RAPGEF2: variants seen among roughly 807,000 people sequenced by gnomAD.
RAPGEF2 encodes the protein Rap guanine nucleotide exchange factor 2.
RAPGEF2 carries 54 observed loss-of-function variants against 186.7 expected under a neutral mutation model. The ratio of observed to expected loss-of-function variants is 0.29; its 90% CI spans 0.23 to 0.36. RAPGEF2 has a LOEUF of 0.36. Among genes scored for constraint, RAPGEF2 ranks in the 10% least tolerant of loss-of-function variants. The pLI is 1.00. For missense variants in RAPGEF2, 1,532 were observed against 2,045.0 expected (o/e 0.75, Z 4.84); for synonymous variants, 712 against 705.9 (o/e 1.01, Z -0.14).
chr4:159,342,997 A>C lies in RAPGEF2; in HGVS notation c.2937A>C (p.Pro979=). The C allele has an allele frequency of 6.2e-7, 1 of 1,614,054 alleles. No homozygotes were observed. Among genetic ancestry groups the C allele is most frequent in the Non-Finnish European group, 8.5e-7 (1 of 1,179,938 alleles). The change falls in exon 21 of 30, where the codon CCA becomes CCC. Residue 979 remains proline, a synonymous_variant. Transcript: ENST00000691494. The part of the protein sequence containing the change: ...FAIISGLNLA[P]VARLRTTWEK... ...CTCTCAGTGGCCTAAACCTGGCACC[A>C]GTGGCAAGACTGCGAACGACCTGGG... is the stretch of plus-strand genomic sequence containing the variant.
intron 1 of RAPGEF2, among the ~76,000 whole-genome samples, chr4:159,104,568 G>GTGTA (rs1193894003): frequency 6.7e-6 from 1 of 148,588 alleles, no homozygotes; most frequent in African/African-American, 2.6e-5. Context: ...GTGTGTGTGT[G>GTGTA]TGTATGTGTG....
At chr4:159,104,856 A>G (rs1737704451) in intron 1 of RAPGEF2, among the ~76,000 whole-genome samples, 1 of 152,202 alleles carries the variant, frequency 6.6e-6, no homozygotes, top group African/African-American at 2.4e-5. Context: ...TTTAAAGGAT[A>G]CTGCTTTCAA....
At chr4:159,277,764 T>C (rs1295280449) in intron 7 of RAPGEF2, among the ~76,000 whole-genome samples, 1 of 152,112 alleles carries the variant, frequency 6.6e-6, no homozygotes, top group African/African-American at 2.4e-5. Context: ...CCCGCTTTTT[T>C]ATGGGGTTGT....
chr4:159,206,205 C>T lies in RAPGEF2; in HGVS notation c.198-4295C>T, dbSNP rs550205067. On this transcript the variant is annotated intron_variant, in intron 3 of 29. Coordinates refer to ENST00000691494, the MANE Select transcript of RAPGEF2 (RefSeq NM_001394067.2). ...TCTGCCTTCCGAAGTGCTGGGATGACAGGCATGAGCCACCGCGCCCAGCCG... is the reference window on the plus strand; with the variant it reads ...TCTGCCTTCCGAAGTGCTGGGATGATAGGCATGAGCCACCGCGCCCAGCCG... Among the ~76,000 whole-genome samples, 333 of 152,350 alleles carry T rather than the reference C, an allele frequency of 2.2e-3. 2 individuals carry two copies. Among genetic ancestry groups the T allele is most frequent in the African/African-American group, 7.4e-3 (308 of 41,580 alleles).
At chr4:159,299,737 T>G (rs987585178) in intron 7 of RAPGEF2, among the ~76,000 whole-genome samples, 7 of 152,258 alleles carry the variant, frequency 4.6e-5, no homozygotes, top group African/African-American at 1.7e-4. Flanking sequence ...TCGAGTTCAT[T>G]TATTAGCTAG....
At chr4:159,302,865 A>G (rs182012062) in intron 7 of RAPGEF2, among the ~76,000 whole-genome samples, 1 of 151,750 alleles carries the variant, frequency 6.6e-6, no homozygotes, top group African/African-American at 2.4e-5. Flanking sequence ...TATGTATTTT[A>G]CAACATCTTC....
At chr4:159,263,822 G>GA (rs911878533) in intron 7 of RAPGEF2, among the ~76,000 whole-genome samples, 40 of 150,230 alleles carry the variant, frequency 2.7e-4, no homozygotes, top group African/African-American at 8.3e-4. Context: ...ACTTTAGGTG[G>GA]AAAAAAAAAG....
At chr4:159,185,426 A>G (rs778089636) in intron 1 of RAPGEF2, among the ~76,000 whole-genome samples, 1 of 152,230 alleles carries the variant, frequency 6.6e-6, no homozygotes, top group African/African-American at 2.4e-5. Flanking sequence ...AATGTCCATC[A>G]ATTGATAAAT....
intron 17 of RAPGEF2, among the ~76,000 whole-genome samples, chr4:159,337,883 C>G (rs1315792880): frequency 1.8e-5 from 1 of 54,074 alleles, no homozygotes; most frequent in South Asian, 5.1e-4. Flanking sequence ...GAGTGAGACT[C>G]CATCTCAAAA....
chr4:159,109,972 C>T (rs926845042), intron 1 of RAPGEF2, among the ~76,000 whole-genome samples: 2 of 152,182 alleles, frequency 1.3e-5, no homozygotes, highest in African/African-American at 4.8e-5. Flanking sequence ...ATTTTCCTGG[C>T]TTGAGATGGC....
intron 4 of RAPGEF2, among the ~76,000 whole-genome samples, chr4:159,232,540 A>G (rs1752763763): frequency 6.6e-6 from 1 of 152,158 alleles, no homozygotes; most frequent in African/African-American, 2.4e-5. Flanking sequence ...GTTGTTGGAC[A>G]CTTGGGTTGT....
At position 159,278,631 on chromosome 4, in the gene RAPGEF2, T is replaced by C. The variant is rs13434864; in HGVS notation, c.544-25711T>C. 7.0e-3 allele frequency among the ~76,000 whole-genome samples: 1,072 copies of C among 152,270 alleles called. 12 individuals carry two copies. Among genetic ancestry groups the C allele is most frequent in the African/African-American group, 0.024 (1,016 of 41,544 alleles). On this transcript the variant is annotated intron_variant, in intron 7 of 29. Transcript: ENST00000691494. The stretch of plus-strand genomic sequence containing the variant: ...CAGTTGTGACCTTTGTGAAGAAAGT[T>C]ACGTAAAGAGAAGGGATTAGTAAGA...
chr4:159,260,307 G>T (rs930957848), intron 7 of RAPGEF2, among the ~76,000 whole-genome samples: 2 of 151,304 alleles, frequency 1.3e-5, no homozygotes, highest in Non-Finnish European at 2.9e-5. Context: ...TAAAGTAAGG[G>T]ACATTTTAAT....
intron 1 of RAPGEF2, among the ~76,000 whole-genome samples, chr4:159,178,236 T>G (rs1746644424): frequency 6.6e-6 from 1 of 152,166 alleles, no homozygotes; most frequent in African/African-American, 2.4e-5. Flanking sequence ...TATTTTTTGT[T>G]GTGTACAAGC....
intron 4 of RAPGEF2, chr4:159,229,647 TTA>T (rs1428687844): frequency 6.6e-6 from 1 of 152,198 alleles, no homozygotes; most frequent in Admixed American, 6.5e-5. Flanking sequence ...ATTTTTGGTA[TTA>T]CAGAGTCATA....
chr4:159,198,393 TTC>T (rs1749037938), intron 3 of RAPGEF2, among the ~76,000 whole-genome samples: 1 of 129,062 alleles, frequency 7.7e-6, no homozygotes. Flanking sequence ...CCTTCCTTCC[TTC>T]CTCTCTCTTC....
intron 7 of RAPGEF2, among the ~76,000 whole-genome samples, chr4:159,247,036 T>G (rs557118806): frequency 1.3e-5 from 2 of 152,332 alleles, no homozygotes; most frequent in Admixed American, 1.3e-4. Flanking sequence ...TTTATCCTTT[T>G]AAAACTTAAA....
chr4:159,195,236 G>GT (rs1748513868), intron 3 of RAPGEF2, among the ~76,000 whole-genome samples: 1 of 152,196 alleles, frequency 6.6e-6, no homozygotes, highest in Non-Finnish European at 1.5e-5. Flanking sequence ...AAATGAAGAT[G>GT]TTAATAAAGT....
At position 159,356,309 on chromosome 4, in the gene RAPGEF2, G is replaced by A. The variant is rs140779072; in HGVS notation, c.4957+151G>A. The A allele has an allele frequency of 9.0e-5, 75 of 835,302 alleles. No individual in the cohort carries two copies. The African/African-American group carries it at 1.2e-3, about 14-fold the overall frequency. The allele number at this position is 835,302 out of a possible 1,614,324, so 51.7% of individuals were successfully genotyped here. A position where few individuals can be genotyped will look rare whatever the true frequency, so the allele number is the denominator to read the frequency against. ...ACTACATTCAGAGTTCCAAATTTAG[G>A]GTTACAGCTGTTGACTGCTTTCTTT... On this transcript the variant is annotated intron_variant, in intron 29 of 29. Transcript: ENST00000691494.
Sources: allele counts gnomAD v4.1 joint callset (sites outside exome capture counted in the v4.1 genomes callset), GRCh38; gene constraint gnomAD v4.1.1; transcripts MANE v1.5; gene names NCBI Gene and HGNC (gene_info 2026-07-23, HGNC 2026-07-21).